The following GDI2 variants were observed in gnomAD, a reference collection of about 807,000 sequenced individuals.
GDI2 encodes the protein GDP dissociation inhibitor 2, also known as rab GDP dissociation inhibitor beta.
GDI2 carries 22 observed loss-of-function variants against 54.2 expected under a neutral mutation model. The ratio of observed to expected loss-of-function variants is 0.41; its 90% confidence interval spans 0.29 to 0.58. GDI2 has a LOEUF of 0.58. Ranked by LOEUF, GDI2 falls within the 20% of genes least tolerant of loss-of-function variation. The pLI, the probability that GDI2 is intolerant of heterozygous loss-of-function variation, is 0.35. For synonymous variants in GDI2, 177 were observed against 182.1 expected (o/e 0.97, Z 0.23); for missense variants, 422 against 546.0 (o/e 0.77, Z 2.26).
chr10:5,785,374 TTTTG>T, intron 5 of GDI2, 101 bp from the exon 6 acceptor site: 1 of 842,110 alleles, frequency 1.2e-6, no homozygotes, highest in Non-Finnish European at 1.9e-6. Context: ...CTATCTTCTT[TTTTG>T]TTTTTTTGTT....
At chr10:5,810,111 A>G (rs1053160890) in intron 1 of GDI2, among the ~76,000 whole-genome samples, 1 of 152,234 alleles carries the variant, frequency 6.6e-6, no homozygotes, top group Non-Finnish European at 1.5e-5. Flanking sequence ...TCAGAATTTT[A>G]AAATCAAGTA....
chr10:5,795,768 A>G (rs769033277), intron 3 of GDI2, among the ~76,000 whole-genome samples: 37 of 152,112 alleles, frequency 2.4e-4, no homozygotes, highest in Non-Finnish European at 4.1e-4. Context: ...CATCTCTACC[A>G]TAACACAAAA....
chr10:5,812,675 C>T (rs545738344), intron 1 of GDI2, among the ~76,000 whole-genome samples: 1 of 152,266 alleles, frequency 6.6e-6, no homozygotes, highest in South Asian at 2.1e-4. Context: ...ACGTTTTCGC[C>T]AAAAATATAA....
At chr10:5,777,309 C>T (rs577267801) in intron 6 of GDI2, among the ~76,000 whole-genome samples, 3 of 152,212 alleles carry the variant, frequency 2.0e-5, no homozygotes, top group South Asian at 4.2e-4. Flanking sequence ...ACTATCTCCA[C>T]AAAAAATACA....
intron 6 of GDI2, among the ~76,000 whole-genome samples, chr10:5,783,133 T>A (rs1191114090): frequency 6.6e-6 from 1 of 152,108 alleles, no homozygotes. Context: ...AAGGGAACTT[T>A]ATGGGGTGAG....
At chr10:5,791,256 C>T (rs1351348942) in intron 4 of GDI2, among the ~76,000 whole-genome samples, 1 of 152,144 alleles carries the variant, frequency 6.6e-6, no homozygotes, top group Non-Finnish European at 1.5e-5. Context: ...GATCATGCCA[C>T]TGCACTCCAG....
Position 5,811,917 on chromosome 10 carries a change from T to C in GDI2, c.45+1297A>G, listed in dbSNP as rs1841485317. ...CAAATAAAAGTTCGAAGGTTTTCTC[T>C]TGCCTAGAGACATCTAAAAGTGTTA... On this transcript the variant is annotated intron_variant, in intron 1 of 10. Transcript: ENST00000380191. 5 of 1,192,166 alleles carry C rather than the reference T, an allele frequency of 4.2e-6. No homozygotes were observed. In the South Asian group the frequency reaches 5.4e-5, roughly 13 times the overall value. 73.8% of individuals were successfully genotyped at this position (1,192,166 alleles called of 1,614,324 possible). A position where few individuals can be genotyped will look rare whatever the true frequency, so the allele number is the denominator to read the frequency against.
intron 6 of GDI2, among the ~76,000 whole-genome samples, chr10:5,780,091 C>T (rs1588972245): frequency 6.6e-6 from 1 of 151,824 alleles, no homozygotes; most frequent in South Asian, 2.1e-4. Context: ...TGCCTGTAGT[C>T]CCTACTACTC....
chr10:5,798,358 C>A (rs1004133107), intron 2 of GDI2, among the ~76,000 whole-genome samples: 4 of 152,252 alleles, frequency 2.6e-5, no homozygotes, highest in African/African-American at 9.6e-5. Context: ...GAGGCCAAGG[C>A]AGGCAGATCA....
At chr10:5,804,528 C>T (rs1026017005) in intron 1 of GDI2, among the ~76,000 whole-genome samples, 2 of 152,170 alleles carry the variant, frequency 1.3e-5, no homozygotes, top group East Asian at 3.8e-4. Context: ...TTGTTCTGCC[C>T]GCTTCTGAAC....
chr10:5,778,583 T>C (rs1258313980), intron 6 of GDI2, among the ~76,000 whole-genome samples: 5 of 152,190 alleles, frequency 3.3e-5, no homozygotes. Flanking sequence ...AAATTATTAG[T>C]TATGCTTTTT....
In GDI2 at chr10:5,776,364, CT is replaced by C; in HGVS notation, c.720-2424del. On this transcript the variant is annotated intron_variant, in intron 6 of 10. Transcript: ENST00000380191. This position sits in a 1 kb window ranked among gnomAD's most constrained non-coding sequence, Gnocchi z 5.3. ...TGAGGATGCAGAGAGCCAGAGCCCCCTTTCTCAGAAGCACAGCCCTTTCACA... is the reference window on the plus strand; with the variant it reads ...TGAGGATGCAGAGAGCCAGAGCCCCCTTCTCAGAAGCACAGCCCTTTCACA... 1 of 688,950 alleles carries C rather than the reference CT, an allele frequency of 1.5e-6. No homozygotes were observed. The allele number at this position is 688,950 out of a possible 1,614,324, so 42.7% of individuals were successfully genotyped here.
At chr10:5,771,997 G>A (rs929889374) in intron 7 of GDI2, among the ~76,000 whole-genome samples, 6 of 152,138 alleles carry the variant, frequency 3.9e-5, no homozygotes, top group Non-Finnish European at 7.4e-5. Flanking sequence ...GGCTGAGGCA[G>A]GAGAATCACT....
chr10:5,779,154 C>T (rs1840693860), intron 6 of GDI2, among the ~76,000 whole-genome samples: 1 of 152,054 alleles, frequency 6.6e-6, no homozygotes, highest in Non-Finnish European at 1.5e-5. Flanking sequence ...GATACATATT[C>T]AAGGATAAAT....
At chr10:5,807,229 C>T (rs1218992239) in intron 1 of GDI2, among the ~76,000 whole-genome samples, 1 of 152,106 alleles carries the variant, frequency 6.6e-6, no homozygotes, top group Non-Finnish European at 1.5e-5. Flanking sequence ...CATATCTGGG[C>T]ACAGTATATA....
chr10:5,799,489 TA>T (rs1841219788), intron 2 of GDI2, among the ~76,000 whole-genome samples: 1 of 150,900 alleles, frequency 6.6e-6, no homozygotes, highest in Admixed American at 6.6e-5. Context: ...CCGTCTCTAC[TA>T]AAAATACAAA....
At chr10:5,811,768 G>C (rs1841482958) in intron 1 of GDI2, 1 of 332,164 alleles carries the variant, frequency 3.0e-6, no homozygotes. Context: ...TCCTGGATTG[G>C]TCAAACATAA....
At chr10:5,796,060 A>C (rs1841140777) in intron 3 of GDI2, among the ~76,000 whole-genome samples, 1 of 152,208 alleles carries the variant, frequency 6.6e-6, no homozygotes, top group African/African-American at 2.4e-5. Context: ...AAAAAGTACT[A>C]ATATTACAGC....
At position 5,811,173 on chromosome 10, in the gene GDI2, T is replaced by A. The variant is rs529559691; in HGVS notation, c.45+2041A>T. 1.3e-4 allele frequency among the ~76,000 whole-genome samples: 20 copies of A among 152,338 alleles called. No homozygotes were observed. In the East Asian group the frequency reaches 3.9e-3, roughly 29 times the overall value. ...TCTCATTATCAAAATCATCCTGTCA[T>A]CACTACTCCTATCAATGATGGTAAT... On this transcript the variant is annotated intron_variant, in intron 1 of 10. Coordinates refer to ENST00000380191, the MANE Select transcript of GDI2 (RefSeq NM_001494.4).
Sources: allele counts gnomAD v4.1 joint callset (sites outside exome capture counted in the v4.1 genomes callset), GRCh38; gene constraint gnomAD v4.1.1; non-coding constraint Gnocchi (gnomAD v3.1); transcripts MANE v1.5; gene names NCBI Gene and HGNC (gene_info 2026-07-23, HGNC 2026-07-21).